Variants in PRR5 observed in about 807,000 individuals in gnomAD.
The protein encoded by PRR5 is proline-rich protein 5.
In PRR5, 25 loss-of-function variants were observed where a neutral mutation model predicts 30.6. That is an observed-to-expected ratio of 0.82 (90% CI 0.60 to 1.14). The LOEUF (loss-of-function observed/expected upper bound fraction) is 1.14. Among genes scored for constraint, PRR5 ranks in the 50% most tolerant of loss-of-function variants. The pLI is 0.00. For missense variants in PRR5, 600 were observed against 547.1 expected (o/e 1.10, Z -0.96); for synonymous variants, 286 against 247.1 (o/e 1.16, Z -1.48).
intron 7 of PRR5, among the ~76,000 whole-genome samples, chr22:44,736,370 G>T (rs1468395281): frequency 6.6e-6 from 1 of 152,164 alleles, no homozygotes; most frequent in African/African-American, 2.4e-5. Flanking sequence ...CCATCCCCTT[G>T]GACACCAGCT....
At chr22:44,698,526 G>C (rs1925970487), upstream of PRR5, among the ~76,000 whole-genome samples, 1 of 152,154 alleles carries the variant, frequency 6.6e-6, no homozygotes, top group Non-Finnish European at 1.5e-5. Context: ...CCCTGCCCAG[G>C]GTACCCCGCC....
chr22:44,730,056 G>A (rs1461542572), intron 4 of PRR5: 1 of 985,336 alleles, frequency 1.0e-6, no homozygotes, highest in Non-Finnish European at 1.2e-6. Flanking sequence ...ACTGGGCTGG[G>A]AGCCAAAGAT....
intron 1 of PRR5, among the ~76,000 whole-genome samples, chr22:44,669,757 C>A (rs1357602571): frequency 6.6e-6 from 1 of 152,152 alleles, no homozygotes; most frequent in Non-Finnish European, 1.5e-5. Context: ...GGAGTGACAT[C>A]TGTGGACAGA....
chr22:44,730,068 G>A, intron 4 of PRR5: 1 of 985,450 alleles, frequency 1.0e-6, no homozygotes, highest in Non-Finnish European at 1.2e-6. Flanking sequence ...GCCAAAGATG[G>A]GACCCAGTCC....
At chr22:44,725,518 T>C (rs1206356330) in intron 3 of PRR5, among the ~76,000 whole-genome samples, 1 of 152,250 alleles carries the variant, frequency 6.6e-6, no homozygotes, top group Non-Finnish European at 1.5e-5. Flanking sequence ...TCATCCAGGC[T>C]GGAGTGCAAT....
chr22:44,697,885 C>G (rs1260525056), upstream of PRR5, among the ~76,000 whole-genome samples: 1 of 152,192 alleles, frequency 6.6e-6, no homozygotes, highest in Non-Finnish European at 1.5e-5. Context: ...GTGGCCGCCC[C>G]TGTATCATGC....
chr22:44,679,115 T>C (rs182351586), intron 1 of PRR5, among the ~76,000 whole-genome samples: 3 of 152,248 alleles, frequency 2.0e-5, no homozygotes, highest in Admixed American at 2.0e-4. Context: ...CCCACTCTCC[T>C]AGGCCTCAGG....
intron 1 of PRR5, among the ~76,000 whole-genome samples, chr22:44,709,746 G>A (rs565993869): frequency 6.6e-4 from 101 of 152,270 alleles, no homozygotes; most frequent in Non-Finnish European, 9.7e-4. Context: ...CAGCTCCTCT[G>A]GAGGCTGAGG....
upstream of PRR5, among the ~76,000 whole-genome samples, chr22:44,673,376 A>G (rs114407953): frequency 2.8e-3 from 434 of 152,346 alleles, 3 homozygotes; most frequent in African/African-American, 9.8e-3. Flanking sequence ...ATAATGGCCA[A>G]TGCATAGGCA....
At chr22:44,707,450 C>G (rs982883807) in intron 1 of PRR5, among the ~76,000 whole-genome samples, 1 of 152,218 alleles carries the variant, frequency 6.6e-6, no homozygotes. Context: ...TGACCCCTGA[C>G]TAGGCCCCAG....
At chr22:44,732,117 C>T in intron 5 of PRR5, 134 bp from the exon 6 acceptor site, 1 of 1,399,862 alleles carries the variant, frequency 7.1e-7, no homozygotes, top group East Asian at 2.3e-5. Flanking sequence ...GGGACGGGGT[C>T]ATCTGAGGAG....
At chr22:44,704,390 C>T (rs1209090014) in intron 1 of PRR5, among the ~76,000 whole-genome samples, 2 of 152,158 alleles carry the variant, frequency 1.3e-5, no homozygotes, top group Non-Finnish European at 2.9e-5. Context: ...CTCACCCAAC[C>T]TTGGGTGACC....
At chr22:44,687,637 A>T (rs533293951) in intron 1 of PRR5, among the ~76,000 whole-genome samples, 95 of 152,108 alleles carry the variant, frequency 6.2e-4, no homozygotes, top group Non-Finnish European at 5.7e-4. Flanking sequence ...TTCTGTGGAG[A>T]ATTCAGTTTC....
At chr22:44,728,529 G>C (rs1021606976) in intron 4 of PRR5, among the ~76,000 whole-genome samples, 1 of 152,220 alleles carries the variant, frequency 6.6e-6, no homozygotes, top group Non-Finnish European at 1.5e-5. Flanking sequence ...GGGAAGAAAG[G>C]GTTCATTCCA....
rs1248559967 is a variant in PRR5, at chr22:44,731,797, G to C, written c.390G>C (p.Leu130=). ...DFFFSDVLPM[L]QAIFYPVQGK... Reference sequence around the variant, plus strand: ...TCTTCAGTGACGTGCTGCCCATGCTGCAGGCCATCTTCTACCCGGTGCAGG... The same window carrying C: ...TCTTCAGTGACGTGCTGCCCATGCTCCAGGCCATCTTCTACCCGGTGCAGG... The change falls in exon 5 of 8, where the codon CTG becomes CTC. Residue 130 remains leucine, a synonymous_variant. Transcript: ENST00000336985. The C allele has an allele frequency of 2.5e-6, 4 of 1,613,554 alleles. No individual in the cohort carries two copies. Among genetic ancestry groups the C allele is most frequent in the Non-Finnish European group, 2.5e-6 (3 of 1,180,004 alleles).
At position 44,731,803 on chromosome 22, in the gene PRR5, C is replaced by T; in HGVS notation, c.396C>T (p.Ala132=). Residue 132 remains alanine (A), a synonymous_variant, in exon 5 of 8, where the codon GCC becomes GCT. Coordinates refer to ENST00000336985, the MANE Select transcript of PRR5 (RefSeq NM_181333.4). ...FFSDVLPMLQ[A]IFYPVQGKEP... ...GTGACGTGCTGCCCATGCTGCAGGC[C>T]ATCTTCTACCCGGTGCAGGTGGGCA... 6.2e-7 allele frequency: 1 copy of T among 1,613,488 alleles called. No individual in the cohort carries two copies. Among genetic ancestry groups the T allele is most frequent in the Non-Finnish European group, 8.5e-7 (1 of 1,179,994 alleles).
At chr22:44,721,334 G>A (rs1047798491) in intron 2 of PRR5, among the ~76,000 whole-genome samples, 5 of 152,148 alleles carry the variant, frequency 3.3e-5, no homozygotes, top group Non-Finnish European at 7.4e-5. Context: ...TACACCCTAT[G>A]TAAATGAAGT....
chr22:44,722,971 A>G (rs547396591), intron 2 of PRR5, among the ~76,000 whole-genome samples: 2 of 150,296 alleles, frequency 1.3e-5, no homozygotes, highest in South Asian at 4.3e-4. Flanking sequence ...ATTGTTCCAT[A>G]ATCTTTAAAA....
intron 2 of PRR5, among the ~76,000 whole-genome samples, chr22:44,723,426 T>G (rs1425969658): frequency 6.6e-6 from 1 of 152,112 alleles, no homozygotes; most frequent in Non-Finnish European, 1.5e-5. Flanking sequence ...GCACTATAAT[T>G]TAAAACATTG....
Sources: gnomAD v4.1 joint callset for allele counts (sites outside exome capture counted in the v4.1 genomes callset) on GRCh38, gnomAD v4.1.1 for gene constraint, MANE v1.5 for transcripts, NCBI Gene and HGNC (gene_info 2026-07-23, HGNC 2026-07-21) for gene names.